AGTPBP1: variants seen among roughly 807,000 people sequenced by gnomAD.
The protein encoded by AGTPBP1 is ATP/GTP binding carboxypeptidase 1, also known as cytosolic carboxypeptidase 1.
A neutral mutation model predicts 143.9 loss-of-function variants in AGTPBP1; 70 were observed. That is an observed-to-expected ratio of 0.49 (90% CI 0.40 to 0.59). The LOEUF (loss-of-function observed/expected upper bound fraction) is 0.59. Among genes scored for constraint, AGTPBP1 ranks in the 20% least tolerant of loss-of-function variants. The probability of loss-of-function intolerance (pLI) is 0.00; values close to 1 mark genes in which losing one functional copy is unlikely to be tolerated. For missense variants in AGTPBP1, 1,229 were observed against 1,464.5 expected (o/e 0.84, Z 2.62); for synonymous variants, 463 against 500.2 (o/e 0.93, Z 0.99).
Position 85,633,175 on chromosome 9 carries a change from T to TCTTCTTTTGCTAGATCCATAAAGGTAGA in AGTPBP1, c.1474_1501dup (p.Asp501ValfsTer12), listed in dbSNP as rs1378093707. 6.2e-7 allele frequency: 1 copy of TCTTCTTTTGCTAGATCCATAAAGGTAGA among 1,613,528 alleles called. No homozygotes were observed. The highest frequency in any genetic ancestry group is 8.5e-7 in the Non-Finnish European group (1 of 1,179,874). On this transcript the variant is annotated frameshift_variant, in exon 14 of 26. Coordinates refer to ENST00000357081, the MANE Select transcript of AGTPBP1 (RefSeq NM_001330701.2). LOFTEE classifies it high-confidence loss of function. Reference sequence around the variant, plus strand: ...TAATGTTCTATCATTATCTTTAATATCTTCTTTTGCTAGATCCATAAAGGT... The same window carrying TCTTCTTTTGCTAGATCCATAAAGGTAGA: ...TAATGTTCTATCATTATCTTTAATATCTTCTTTTGCTAGATCCATAAAGGTAGACTTCTTTTGCTAGATCCATAAAGGT...
chr9:85,685,284 G>A (rs1427989349), intron 3 of AGTPBP1, among the ~76,000 whole-genome samples: 4 of 151,606 alleles, frequency 2.6e-5, no homozygotes, highest in Non-Finnish European at 5.9e-5. Context: ...TTCCAAGCAG[G>A]ATAACTATGA....
intron 1 of AGTPBP1, among the ~76,000 whole-genome samples, chr9:85,717,821 C>T (rs1386900053): frequency 6.6e-6 from 1 of 151,984 alleles, no homozygotes. Flanking sequence ...AATGCTATCC[C>T]TCCCACAGCC....
intron 5 of AGTPBP1, among the ~76,000 whole-genome samples, 200 bp from the exon 6 acceptor site, chr9:85,677,782 T>G (rs980817074): frequency 5.3e-5 from 8 of 151,972 alleles, no homozygotes; most frequent in Non-Finnish European, 1.0e-4. Flanking sequence ...GCAGGCAGAT[T>G]CACCTGAGGT....
At chr9:85,769,782 G>T in the AGTPBP1 span, among the ~76,000 whole-genome samples, 2 of 151,864 alleles carry the variant, frequency 1.3e-5, no homozygotes, top group Non-Finnish European at 2.9e-5. Flanking sequence ...CCTCTAGGCA[G>T]TATATTGTTT....
At chr9:85,773,320 C>CT in the AGTPBP1 span, among the ~76,000 whole-genome samples, 609 of 29,968 alleles carry the variant, frequency 0.02, 124 homozygotes, top group Middle Eastern at 0.036. Context: ...CCAACAAATT[C>CT]TTTTTTTTTT....
intron 14 of AGTPBP1, among the ~76,000 whole-genome samples, chr9:85,627,869 G>A (rs771235596): frequency 6.6e-6 from 1 of 152,136 alleles, no homozygotes; most frequent in Non-Finnish European, 1.5e-5. Flanking sequence ...TACAAATAAT[G>A]TACAAAATAA....
At chr9:85,677,608 TAAAC>T (rs747250580) in intron 5 of AGTPBP1, 26 bp from the exon 6 acceptor site, 1 of 1,455,748 alleles carries the variant, frequency 6.9e-7, no homozygotes, top group Non-Finnish European at 9.2e-7. Flanking sequence ...AAAAAAAATT[TAAAC>T]AACAAATTAA....
At chr9:85,774,600 C>T in the AGTPBP1 span, among the ~76,000 whole-genome samples, 41 of 152,298 alleles carry the variant, frequency 2.7e-4, no homozygotes, top group South Asian at 8.5e-3. Flanking sequence ...TGAGAGTGAT[C>T]TGGCCTCATT....
chr9:85,798,283 T>C, the AGTPBP1 span, among the ~76,000 whole-genome samples: 1 of 152,112 alleles, frequency 6.6e-6, no homozygotes, highest in Admixed American at 6.6e-5. Context: ...GAAGAGTATA[T>C]GGAAGTTAAA....
At chr9:85,747,928 T>C in the AGTPBP1 span, among the ~76,000 whole-genome samples, 1 of 152,196 alleles carries the variant, frequency 6.6e-6, no homozygotes, top group Non-Finnish European at 1.5e-5. Context: ...CCTTTTTTCT[T>C]ATTTTCAACT....
the AGTPBP1 span, among the ~76,000 whole-genome samples, chr9:85,759,771 C>G: frequency 6.6e-6 from 1 of 152,100 alleles, no homozygotes; most frequent in Non-Finnish European, 1.5e-5. Flanking sequence ...TAACTAAGAT[C>G]AGAGCAGAAC....
In AGTPBP1 at chr9:85,741,769, G is replaced by A; in HGVS notation, c.-34+6C>T. 2 of 1,330,298 alleles carry A rather than the reference G, an allele frequency of 1.5e-6. No homozygotes were observed. Among genetic ancestry groups the A allele is most frequent in the Non-Finnish European group, 1.9e-6 (2 of 1,043,012 alleles). The allele number at this position is 1,330,298 out of a possible 1,614,324, so 82.4% of individuals were successfully genotyped here. ...CGGGACATGAGGACTGCAGCAGGGC[G>A]CTCACCGGCTCAGGATGGGGCGCTG... On this transcript the variant is annotated splice_donor_region_variant and intron_variant, in intron 1 of 25. Coordinates refer to ENST00000357081, the MANE Select transcript of AGTPBP1 (RefSeq NM_001330701.2).
chr9:85,679,416 CT>C (rs1021939581), intron 4 of AGTPBP1, among the ~76,000 whole-genome samples: 1 of 148,280 alleles, frequency 6.7e-6, no homozygotes, highest in Non-Finnish European at 1.5e-5. Context: ...TCTTTTTTTT[CT>C]TTTTTTTTGA....
chr9:85,684,267 A>G (rs1835361136), intron 3 of AGTPBP1, among the ~76,000 whole-genome samples: 1 of 152,200 alleles, frequency 6.6e-6, no homozygotes, highest in Non-Finnish European at 1.5e-5. Flanking sequence ...CATTTTACTA[A>G]TAACAACCAA....
chr9:85,642,635 C>T (rs1832558171), intron 13 of AGTPBP1, among the ~76,000 whole-genome samples, 192 bp downstream of exon 13: 1 of 152,014 alleles, frequency 6.6e-6, no homozygotes, highest in Admixed American at 6.6e-5. Context: ...CCCGGCCCAT[C>T]TCCCCTCATT....
chr9:85,734,351 TC>T (rs541347074), intron 1 of AGTPBP1, among the ~76,000 whole-genome samples: 2 of 152,140 alleles, frequency 1.3e-5, no homozygotes, highest in African/African-American at 4.8e-5. Context: ...AAAGTCCAGT[TC>T]TTTTCAACTC....
chr9:85,775,386 C>T, the AGTPBP1 span, among the ~76,000 whole-genome samples: 5 of 151,624 alleles, frequency 3.3e-5, no homozygotes, highest in Admixed American at 2.0e-4. Flanking sequence ...TGCAGCGGCT[C>T]ATGCCTGTAA....
At chr9:85,742,319 A>C (rs1824408102), upstream of AGTPBP1, among the ~76,000 whole-genome samples, 1 of 152,028 alleles carries the variant, frequency 6.6e-6, no homozygotes, top group Non-Finnish European at 1.5e-5. Context: ...ACTCCCAACG[A>C]GGGCCCCAGC....
At chr9:85,722,702 G>A (rs1838209700) in intron 1 of AGTPBP1, among the ~76,000 whole-genome samples, 1 of 152,152 alleles carries the variant, frequency 6.6e-6, no homozygotes, top group Non-Finnish European at 1.5e-5. Flanking sequence ...TCTCCATCCA[G>A]TTTTGTTCCT....
Sources: allele counts gnomAD v4.1 joint callset (sites outside exome capture counted in the v4.1 genomes callset), GRCh38; gene constraint gnomAD v4.1.1; transcripts MANE v1.5; gene names NCBI Gene and HGNC (gene_info 2026-07-23, HGNC 2026-07-21).